ZNF804A: variants seen among roughly 807,000 people sequenced by gnomAD.
ZNF804A encodes the protein zinc finger protein 804A.
Under a neutral mutation model 16.5 loss-of-function variants are expected in ZNF804A, and 2 were observed. The ratio of observed to expected loss-of-function variants is 0.12; its 90% CI spans 0.05 to 0.38. ZNF804A has a LOEUF of 0.38. Ranked by LOEUF, ZNF804A falls within the 10% of genes least tolerant of loss-of-function variation. ZNF804A has a pLI of 0.99. For missense variants in ZNF804A, 1,473 were observed against 1,390.7 expected, an observed-to-expected ratio of 1.06 and a Z score of -0.94; for synonymous variants, 534 against 489.6, an observed-to-expected ratio of 1.09 and a Z score of -1.20.
chr2:184,891,502 T>G (rs954379765), intron 2 of ZNF804A, among the ~76,000 whole-genome samples: 4 of 152,276 alleles, frequency 2.6e-5, no homozygotes, highest in African/African-American at 9.6e-5. Flanking sequence ...TAGAAAGAAA[T>G]TACAGAGTAA....
intron 1 of ZNF804A, among the ~76,000 whole-genome samples, chr2:184,855,977 A>G (rs868002364): frequency 1.5e-4 from 23 of 152,074 alleles, no homozygotes; most frequent in African/African-American, 5.1e-4. Context: ...AATGTCAATA[A>G]TGAGACTCCA....
intron 1 of ZNF804A, among the ~76,000 whole-genome samples, chr2:184,631,901 G>A (rs768637105): frequency 6.6e-6 from 1 of 152,164 alleles, no homozygotes; most frequent in Non-Finnish European, 1.5e-5. Flanking sequence ...TTTGGAGAAT[G>A]TGAATATGAA....
intron 1 of ZNF804A, among the ~76,000 whole-genome samples, chr2:184,818,658 T>A (rs1695022654): frequency 6.6e-6 from 1 of 151,620 alleles, no homozygotes; most frequent in South Asian, 2.1e-4. Context: ...CCTCAATAGA[T>A]CCACCTCAAG....
At chr2:184,804,450 C>T (rs1385174734) in intron 1 of ZNF804A, among the ~76,000 whole-genome samples, 1 of 152,184 alleles carries the variant, frequency 6.6e-6, no homozygotes, top group East Asian at 1.9e-4. Flanking sequence ...GCATAAGCAG[C>T]ATGAACATCA....
chr2:184,823,531 T>C (rs1401185601), intron 1 of ZNF804A, among the ~76,000 whole-genome samples: 1 of 152,124 alleles, frequency 6.6e-6, no homozygotes, highest in Non-Finnish European at 1.5e-5. Context: ...AGGGATGACA[T>C]TAGTCTATGG....
At chr2:184,684,617 T>C (rs184561241) in intron 1 of ZNF804A, among the ~76,000 whole-genome samples, 1 of 152,140 alleles carries the variant, frequency 6.6e-6, no homozygotes, top group East Asian at 1.9e-4. Context: ...CATGTGCAGG[T>C]TTGTTGTATG....
intron 1 of ZNF804A, among the ~76,000 whole-genome samples, chr2:184,675,230 C>T (rs1222022836): frequency 6.6e-6 from 1 of 151,652 alleles, no homozygotes; most frequent in Non-Finnish European, 1.5e-5. Context: ...AACATGCATG[C>T]GTATTGAAAG....
intron 1 of ZNF804A, among the ~76,000 whole-genome samples, chr2:184,789,293 T>C (rs1164087250): frequency 1.3e-5 from 2 of 152,132 alleles, no homozygotes; most frequent in Non-Finnish European, 2.9e-5. Context: ...TTTGTAGTTT[T>C]CTCTCTTGGT....
intron 2 of ZNF804A, among the ~76,000 whole-genome samples, chr2:184,918,757 A>G (rs1007710811): frequency 6.6e-6 from 1 of 152,198 alleles, no homozygotes; most frequent in African/African-American, 2.4e-5. Flanking sequence ...ACTTTACTAT[A>G]CACTTATTTG....
At chr2:184,869,221 C>T (rs538016732) in intron 2 of ZNF804A, among the ~76,000 whole-genome samples, 7 of 152,106 alleles carry the variant, frequency 4.6e-5, no homozygotes, top group Admixed American at 1.3e-4. Flanking sequence ...ATCCATTTGG[C>T]CTTCAAATTC....
chr2:184,775,295 A>G (rs1375522370), intron 1 of ZNF804A, among the ~76,000 whole-genome samples: 2 of 151,750 alleles, frequency 1.3e-5, no homozygotes, highest in African/African-American at 2.4e-5. Flanking sequence ...ACTATCTTAA[A>G]GAAGACAGGT....
In ZNF804A at chr2:184,729,330, A is replaced by T. The variant is rs558668669; in HGVS notation, c.111+130260A>T. On this transcript the variant is annotated intron_variant, in intron 1 of 3. Coordinates refer to ENST00000302277, the MANE Select transcript of ZNF804A (RefSeq NM_194250.2). The stretch of plus-strand genomic sequence containing the variant: ...TTGTCAATTAAAATAATTTTTTTTT[A>T]AGTAAAATGTTACTTCCTGAAATTA... Among the ~76,000 whole-genome samples, 19 of 151,882 alleles carry T rather than the reference A, an allele frequency of 1.3e-4. No individual in the cohort carries two copies. In the South Asian group the frequency reaches 3.9e-3, roughly 32 times the overall value.
chr2:184,777,653 T>C (rs1037420869), intron 1 of ZNF804A, among the ~76,000 whole-genome samples: 2 of 151,802 alleles, frequency 1.3e-5, no homozygotes, highest in African/African-American at 4.8e-5. Context: ...ATAAGCTCCA[T>C]ATATCTGTTG....
chr2:184,866,643 T>C, intron 2 of ZNF804A, 131 bp downstream of exon 2: 5 of 767,280 alleles, frequency 6.5e-6, no homozygotes, highest in Non-Finnish European at 9.2e-6. Context: ...AATATATCAT[T>C]CTGGGATGAT....
chr2:184,745,284 A>G (rs991271561), intron 1 of ZNF804A, among the ~76,000 whole-genome samples: 2 of 151,790 alleles, frequency 1.3e-5, no homozygotes, highest in African/African-American at 4.8e-5. Flanking sequence ...TTTTACAAAG[A>G]AAAAGGTAAC....
chr2:184,825,611 T>C (rs1695152359), intron 1 of ZNF804A, among the ~76,000 whole-genome samples: 1 of 152,110 alleles, frequency 6.6e-6, no homozygotes, highest in South Asian at 2.1e-4. Context: ...TCAAAAGGGC[T>C]CCTTTGAGAA....
chr2:184,614,265 C>A (rs1691285179), intron 1 of ZNF804A, among the ~76,000 whole-genome samples: 1 of 152,124 alleles, frequency 6.6e-6, no homozygotes, highest in Non-Finnish European at 1.5e-5. Context: ...CTTTCTTACA[C>A]CTTATACAAA....
At chr2:184,669,061 T>C (rs1262447172) in intron 1 of ZNF804A, among the ~76,000 whole-genome samples, 1 of 151,974 alleles carries the variant, frequency 6.6e-6, no homozygotes, top group Non-Finnish European at 1.5e-5. Flanking sequence ...GCATCCCTTT[T>C]GGTTGCAGAA....
chr2:184,722,383 T>G (rs1433799589), intron 1 of ZNF804A, among the ~76,000 whole-genome samples: 1 of 152,056 alleles, frequency 6.6e-6, no homozygotes, highest in Non-Finnish European at 1.5e-5. Flanking sequence ...AAGTTTATGT[T>G]TTTAGAATTT....
Sources: gnomAD v4.1 joint callset for allele counts (sites outside exome capture counted in the v4.1 genomes callset) on GRCh38, gnomAD v4.1.1 for gene constraint, MANE v1.5 for transcripts, NCBI Gene and HGNC (gene_info 2026-07-23, HGNC 2026-07-21) for gene names.